EFCAB5: variants seen among roughly 807,000 people sequenced by gnomAD.
EFCAB5 encodes EF-hand calcium-binding domain-containing protein 5.
In EFCAB5, 131 loss-of-function variants were observed where a neutral mutation model predicts 167.9. The observed-to-expected ratio is 0.78, with a 90% CI of 0.68 to 0.90. EFCAB5 has a LOEUF of 0.90. EFCAB5 is among the 40% of genes least tolerant of loss of function. The pLI, the probability that EFCAB5 is intolerant of heterozygous loss-of-function variation, is 0.00. For missense variants in EFCAB5, 1,663 were observed against 1,745.2 expected (o/e 0.95, Z 0.84); for synonymous variants, 574 against 602.8 (o/e 0.95, Z 0.70).
rs2070154316 is a variant in EFCAB5 at position 30,053,335 on chromosome 17, T to A, written c.1381T>A (p.Phe461Ile). The change falls in exon 10 of 23, where the codon TTT becomes ATT. Residue 461 changes from phenylalanine to isoleucine, a missense_variant. Phe to Ile is a conservative substitution (Grantham distance 21, BLOSUM62 0). Coordinates refer to ENST00000394835, the MANE Select transcript of EFCAB5 (RefSeq NM_198529.4). ...TAATCAGAAACACATTTATGAAGGT[T>A]TTGACAAAGTGCTCTTGGAGATGAA... ...MDNQKHIYEG[F>I]DKVLLEMNTL... The A allele has an allele frequency of 1.9e-6, 3 of 1,613,816 alleles. No individual in the cohort carries two copies. The highest frequency in any genetic ancestry group is 2.2e-5 in the South Asian group (2 of 91,078).
chr17:30,094,165 G>C (rs543082922), intron 22 of EFCAB5, among the ~76,000 whole-genome samples: 2 of 152,188 alleles, frequency 1.3e-5, no homozygotes, highest in South Asian at 4.2e-4. Flanking sequence ...ATTAGGACTG[G>C]TAATGTGTCC....
Position 30,054,092 on chromosome 17 carries a change from T to C in EFCAB5, c.2138T>C (p.Leu713Pro), listed in dbSNP as rs1438211352. Residue 713 changes from leucine (L) to proline (P), a missense_variant, in exon 10 of 23, where the codon CTG becomes CCG. Coordinates refer to ENST00000394835, the MANE Select transcript of EFCAB5 (RefSeq NM_198529.4). ...WEQTYEEEIF[L>P]SSELQEEVPT... ...CAAACATATGAAGAGGAAATATTCC[T>C]GAGTTCTGAACTGCAAGAGGAAGTT... The C allele has an allele frequency of 1.3e-6, 2 of 1,584,318 alleles. No homozygotes were observed. The highest frequency in any genetic ancestry group is 4.5e-5 in the East Asian group (2 of 44,212).
chr17:29,930,006 C>A, intron 1 of EFCAB5: 1 of 1,469,564 alleles, frequency 6.8e-7, no homozygotes, highest in Non-Finnish European at 9.2e-7. Flanking sequence ...GCCATCTAGG[C>A]GCTGCTGGGT....
intron 22 of EFCAB5, among the ~76,000 whole-genome samples, chr17:30,101,762 T>C (rs2071385762): frequency 6.6e-6 from 1 of 152,178 alleles, no homozygotes. Flanking sequence ...AGGTTTTGTT[T>C]TGTTTCTCAG....
chr17:30,009,972 C>T (rs1344338256), intron 7 of EFCAB5, among the ~76,000 whole-genome samples: 1 of 152,152 alleles, frequency 6.6e-6, no homozygotes, highest in Non-Finnish European at 1.5e-5. Flanking sequence ...TCCCCCGACC[C>T]CATGACAGGC....
intron 7 of EFCAB5, among the ~76,000 whole-genome samples, chr17:30,033,014 A>G (rs1443097609): frequency 6.6e-6 from 1 of 151,996 alleles, no homozygotes; most frequent in African/African-American, 2.4e-5. Flanking sequence ...GGGATCATGC[A>G]GTGTAACTTT....
chr17:30,069,433 A>G, intron 14 of EFCAB5: 1 of 1,543,968 alleles, frequency 6.5e-7, no homozygotes, highest in East Asian at 2.2e-5. Context: ...TTCAAGAGAT[A>G]TTCACGGAAA....
At chr17:30,016,266 AT>A (rs924381425) in intron 7 of EFCAB5, among the ~76,000 whole-genome samples, 5 of 151,550 alleles carry the variant, frequency 3.3e-5, no homozygotes, top group South Asian at 2.1e-4. Context: ...CAATTTGTCT[AT>A]TTTTTTTCTT....
At chr17:29,992,881 G>A (rs2151635440) in intron 4 of EFCAB5, among the ~76,000 whole-genome samples, 1 of 152,296 alleles carries the variant, frequency 6.6e-6, no homozygotes, top group East Asian at 1.9e-4. Flanking sequence ...TTTCCACAAT[G>A]GTTGTACTAA....
intron 21 of EFCAB5, 129 bp downstream of exon 21, chr17:30,092,286 C>G: frequency 1.0e-6 from 1 of 955,118 alleles, no homozygotes. Context: ...AACACGTTCA[C>G]GTAACCAGAC....
intron 7 of EFCAB5, among the ~76,000 whole-genome samples, chr17:30,009,985 C>T (rs968885533): frequency 5.3e-5 from 8 of 152,186 alleles, no homozygotes; most frequent in Non-Finnish European, 1.0e-4. Flanking sequence ...TGACAGGCCC[C>T]GGTGTGTAAT....
intron 19 of EFCAB5, 134 bp from the exon 20 acceptor site, chr17:30,090,287 G>T: frequency 8.7e-7 from 1 of 1,147,796 alleles, no homozygotes. Context: ...AATGCTCCAG[G>T]CAGATGAAAC....
In EFCAB5 at chr17:30,090,533, C is replaced by T; in HGVS notation, c.3796C>T (p.Leu1266Phe). Residue 1266 changes from leucine to phenylalanine, a missense_variant, in exon 20 of 23, where the codon CTC becomes TTC. By Grantham distance (22) the Leu-to-Phe change is conservative (BLOSUM62 0). Transcript: ENST00000394835. ...GAGAACAGGAGAGGCTCTGGGAGTC[C>T]TCGATTTTAACATCGGCCAAAATAG... ...RERTGEALGV[L>F]DFNIGQNRML... 1.2e-6 allele frequency: 2 copies of T among 1,613,912 alleles called. No homozygotes were observed. The highest frequency in any genetic ancestry group is 1.7e-6 in the Non-Finnish European group (2 of 1,179,880).
chr17:29,990,259 G>A (rs1375566455), intron 4 of EFCAB5, among the ~76,000 whole-genome samples: 2 of 152,142 alleles, frequency 1.3e-5, no homozygotes, highest in Non-Finnish European at 2.9e-5. Flanking sequence ...GTCTGCTCCT[G>A]TATCTAACAA....
chr17:30,082,847 C>T, intron 17 of EFCAB5, 44 bp from the exon 18 acceptor site: 1 of 1,535,920 alleles, frequency 6.5e-7, no homozygotes, highest in Non-Finnish European at 8.8e-7. Flanking sequence ...AATTATTTTT[C>T]TATTTTAAAA....
Position 30,045,866 on chromosome 17 carries a change from A to AAAAT in EFCAB5, c.1201-5232_1201-5229dup, listed in dbSNP as rs758430390. Among the ~76,000 whole-genome samples the AAAAT allele has an allele frequency of 9.3e-4, 141 of 151,690 alleles. 2 individuals are homozygous for AAAAT. In the East Asian group the frequency reaches 0.014, roughly 15 times the overall value. On this transcript the variant is annotated intron_variant, in intron 8 of 22. Coordinates refer to ENST00000394835, the MANE Select transcript of EFCAB5 (RefSeq NM_198529.4). ...ATAAATAAATAAATAAATAAAATTA[A>AAAAT]AAATAAATAAATAAATAAATAAAAG...
intron 14 of EFCAB5, among the ~76,000 whole-genome samples, chr17:30,074,831 T>A (rs1165416863): frequency 6.6e-6 from 1 of 152,160 alleles, no homozygotes; most frequent in Non-Finnish European, 1.5e-5. Flanking sequence ...TTTTCCCTGC[T>A]TTCACCCTGG....
At chr17:30,062,473 G>T (rs1567751766) in intron 14 of EFCAB5, among the ~76,000 whole-genome samples, 1 of 152,154 alleles carries the variant, frequency 6.6e-6, no homozygotes, top group Non-Finnish European at 1.5e-5. Flanking sequence ...CTCACTACTG[G>T]GGTCCCCTGC....
At chr17:30,107,397 C>A (rs890863309) in intron 22 of EFCAB5, among the ~76,000 whole-genome samples, 1 of 152,134 alleles carries the variant, frequency 6.6e-6, no homozygotes, top group African/African-American at 2.4e-5. Flanking sequence ...TATCTTTCCT[C>A]GATCCCACTG....
Sources: allele counts gnomAD v4.1 joint callset (sites outside exome capture counted in the v4.1 genomes callset), GRCh38; gene constraint gnomAD v4.1.1; transcripts MANE v1.5; gene names NCBI Gene and HGNC (gene_info 2026-07-23, HGNC 2026-07-21).